The following IL26 variants were observed in gnomAD, a reference collection of about 807,000 sequenced individuals.
The protein encoded by IL26 is interleukin 26.
In IL26, 23 loss-of-function variants were observed where a neutral mutation model predicts 21.7. The observed-to-expected ratio is 1.06, with a 90% CI of 0.76 to 1.50. The LOEUF (loss-of-function observed/expected upper bound fraction) is 1.50. IL26 is among the 40% of genes most tolerant of loss of function. The probability of loss-of-function intolerance (pLI) is 0.00; values close to 1 mark genes in which losing one functional copy is unlikely to be tolerated. For synonymous variants in IL26, 63 were observed against 67.8 expected (o/e 0.93, Z 0.34); for missense variants, 204 against 196.0 (o/e 1.04, Z -0.24).
At chr12:68,223,679 AG>A (rs1869128964) in intron 3 of IL26, among the ~76,000 whole-genome samples, 2 of 152,192 alleles carry the variant, frequency 1.3e-5, no homozygotes, top group African/African-American at 4.8e-5. Context: ...TATAGGTTTA[AG>A]CATAGAACAA....
intron 3 of IL26, among the ~76,000 whole-genome samples, chr12:68,210,911 C>T (rs750195070): frequency 1.1e-4 from 17 of 152,148 alleles, no homozygotes; most frequent in South Asian, 8.3e-4. Flanking sequence ...AATTAAATTC[C>T]GAACTCAGCA....
At chr12:68,214,435 G>A (rs1422701903) in intron 3 of IL26, among the ~76,000 whole-genome samples, 1 of 152,148 alleles carries the variant, frequency 6.6e-6, no homozygotes, top group African/African-American at 2.4e-5. Context: ...TTGGAGTGTT[G>A]AAGTCCTCTG....
chr12:68,213,579 T>C (rs781691895), intron 3 of IL26, among the ~76,000 whole-genome samples: 3 of 152,124 alleles, frequency 2.0e-5, no homozygotes, highest in Non-Finnish European at 4.4e-5. Context: ...AGGTTGTCTT[T>C]CTTCATGGCT....
intron 3 of IL26, among the ~76,000 whole-genome samples, chr12:68,223,884 G>GTTTTTTTTTTTTTTTTTTTTTTGTT (rs376115904): frequency 7.6e-6 from 1 of 132,272 alleles, no homozygotes; most frequent in Non-Finnish European, 1.6e-5. Context: ...AAATTTGGTG[G>GTTTTTTTTTTTTTTTTTTTTTTGTT]TTTTTTTTTT....
intron 3 of IL26, among the ~76,000 whole-genome samples, chr12:68,210,637 A>C (rs1868698907): frequency 6.6e-6 from 1 of 152,112 alleles, no homozygotes; most frequent in African/African-American, 2.4e-5. Context: ...TTGAACAGAA[A>C]AGTTTACAAA....
At chr12:68,223,883 G>GTTTTTTTTTT (rs201652400) in intron 3 of IL26, among the ~76,000 whole-genome samples, 1 of 81,912 alleles carries the variant, frequency 1.2e-5, no homozygotes, top group African/African-American at 3.5e-5. Context: ...TAAATTTGGT[G>GTTTTTTTTTT]GTTTTTTTTT....
Position 68,225,237 on chromosome 12 carries a change from T to C in IL26, c.275A>G (p.Asp92Gly), listed in dbSNP as rs754078646. 1.9e-6 allele frequency: 3 copies of C among 1,613,708 alleles called. No individual in the cohort carries two copies. The highest frequency in any genetic ancestry group is 3.3e-5 in the Admixed American group (2 of 59,926). Residue 92 changes from aspartate (D) to glycine (G), a missense_variant, in exon 3 of 5, where the codon GAC becomes GGC. Coordinates refer to ENST00000229134, the MANE Select transcript of IL26 (RefSeq NM_018402.2). ...QEQLLSFFME[D>G]VFGQLQLQGC... ...TTGCAATTGCAGTTGACCAAAAACG[T>C]CTTCCATGAAGAAGGACAGAAGCTG...
At chr12:68,216,881 AC>A (rs1436904000) in intron 3 of IL26, among the ~76,000 whole-genome samples, 2 of 152,208 alleles carry the variant, frequency 1.3e-5, no homozygotes, top group African/African-American at 4.8e-5. Flanking sequence ...AATCTTAAAA[AC>A]TAACAGAAAT....
At chr12:68,205,368 G>A (rs1398313094) in intron 3 of IL26, among the ~76,000 whole-genome samples, 9 of 141,440 alleles carry the variant, frequency 6.4e-5, no homozygotes, top group African/African-American at 1.9e-4. Flanking sequence ...ACAGTTGACC[G>A]GAAGCCTTAT....
intron 3 of IL26, among the ~76,000 whole-genome samples, chr12:68,211,531 G>T (rs1868729957): frequency 6.6e-6 from 1 of 152,088 alleles, no homozygotes. Flanking sequence ...CCAACAGTGT[G>T]CCAGGGTTCC....
Position 68,210,545 on chromosome 12 carries a change from CA to C in IL26, c.364-8463del, listed in dbSNP as rs1311254928. On this transcript the variant is annotated intron_variant, in intron 3 of 4. Transcript: ENST00000229134. ...AGAAAAGAGGGACTAAATTATTAGC[CA>C]AGTGTCTCTCTGCGAAACCAAATTC... 2.6e-5 allele frequency among the ~76,000 whole-genome samples: 4 copies of C among 152,006 alleles called. No homozygotes were observed. The South Asian group carries it at 8.3e-4, about 31-fold the overall frequency.
chr12:68,202,642 A>G (rs1268882816), intron 3 of IL26, among the ~76,000 whole-genome samples: 1 of 152,170 alleles, frequency 6.6e-6, no homozygotes, highest in Non-Finnish European at 1.5e-5. Flanking sequence ...ATTTACTGTC[A>G]TGAGAACAGC....
At chr12:68,203,352 A>G (rs1868440613) in intron 3 of IL26, among the ~76,000 whole-genome samples, 2 of 152,254 alleles carry the variant, frequency 1.3e-5, no homozygotes, top group South Asian at 2.1e-4. Context: ...TTATCTACTT[A>G]GTTTTTACTC....
intron 3 of IL26, among the ~76,000 whole-genome samples, chr12:68,210,314 CTAAA>C (rs1408526189): frequency 1.6e-5 from 1 of 60,886 alleles, no homozygotes; most frequent in Non-Finnish European, 2.9e-5. Context: ...AAAAAATAGA[CTAAA>C]TAAATAAATA....
At chr12:68,217,115 A>C (rs1183831689) in intron 3 of IL26, among the ~76,000 whole-genome samples, 2 of 152,232 alleles carry the variant, frequency 1.3e-5, no homozygotes, top group Non-Finnish European at 1.5e-5. Flanking sequence ...CAATTATACT[A>C]TCTGACTTAC....
At position 68,225,140 on chromosome 12, in the gene IL26, T is replaced by G; in HGVS notation, c.363+9A>C. 1 of 1,602,906 alleles carries G rather than the reference T, an allele frequency of 6.2e-7. No homozygotes were observed. The highest frequency in any genetic ancestry group is 8.5e-7 in the Non-Finnish European group (1 of 1,176,120). On this transcript the variant is annotated intron_variant, in intron 3 of 4. Transcript: ENST00000229134. ...GATCAAATGCACAGTATTTGTTGTG[T>G]ATACTTACACAGTGGCTCAATTTCT...
intron 3 of IL26, among the ~76,000 whole-genome samples, chr12:68,220,987 G>C (rs1045602243): frequency 6.6e-6 from 1 of 152,116 alleles, no homozygotes; most frequent in Non-Finnish European, 1.5e-5. Context: ...GTTAAATATA[G>C]TCATAAGAAT....
chr12:68,210,372 A>AAAAAAAAAAAAAAAAAAAAAAC (rs1868683581), intron 3 of IL26, among the ~76,000 whole-genome samples: 1 of 104,282 alleles, frequency 9.6e-6, no homozygotes, highest in Non-Finnish European at 2.1e-5. Flanking sequence ...AAAAAAAAAA[A>AAAAAAAAAAAAAAAAAAAAAAC]AAAAAAAAAA....
At chr12:68,204,122 C>T (rs4997558) in intron 3 of IL26, among the ~76,000 whole-genome samples, 7,273 of 147,946 alleles carry the variant, frequency 0.049, 204 homozygotes, top group Middle Eastern at 0.09. Context: ...TTTCTAAAAT[C>T]ATGTGTTAGG....
Sources: allele counts gnomAD v4.1 joint callset (sites outside exome capture counted in the v4.1 genomes callset), GRCh38; gene constraint gnomAD v4.1.1; transcripts MANE v1.5; gene names NCBI Gene and HGNC (gene_info 2026-07-23, HGNC 2026-07-21).